Variants in CTNNA2 observed in about 807,000 individuals in gnomAD.
CTNNA2 encodes the protein catenin alpha 2.
A neutral mutation model predicts 101.0 loss-of-function variants in CTNNA2; 42 were observed. The ratio of observed to expected loss-of-function variants is 0.42; its 90% CI spans 0.32 to 0.54. The LOEUF (loss-of-function observed/expected upper bound fraction) is 0.54. Ranked by LOEUF, CTNNA2 falls within the 20% of genes least tolerant of loss-of-function variation. The probability of loss-of-function intolerance (pLI) is 0.14; values close to 1 mark genes in which losing one functional copy is unlikely to be tolerated. For missense variants in CTNNA2, 871 were observed against 1,223.1 expected, an observed-to-expected ratio of 0.71 and a Z score of 4.29; for synonymous variants, 450 against 456.4, an observed-to-expected ratio of 0.99 and a Z score of 0.18.
intron 3 of CTNNA2, among the ~76,000 whole-genome samples, chr2:79,763,760 T>TAAAGATGAG (rs1408924465): frequency 6.6e-6 from 1 of 152,182 alleles, no homozygotes; most frequent in East Asian, 1.9e-4. Context: ...GTGGATATTC[T>TAAAGATGAG]AAAGATGAGG....
At chr2:79,371,661 G>T (rs1056640457) in intron 3 of CTNNA2, among the ~76,000 whole-genome samples, 1 of 152,064 alleles carries the variant, frequency 6.6e-6, no homozygotes, top group East Asian at 1.9e-4. Context: ...AAAAATTCTA[G>T]GTCTTCCTAG....
intron 7 of CTNNA2, among the ~76,000 whole-genome samples, chr2:80,231,589 A>G (rs1298233387): frequency 6.6e-6 from 1 of 152,178 alleles, no homozygotes; most frequent in Non-Finnish European, 1.5e-5. Flanking sequence ...ATGTTTCATT[A>G]TACTTTCCTC....
chr2:80,266,308 C>G (rs1294159307), intron 7 of CTNNA2, among the ~76,000 whole-genome samples: 1 of 152,222 alleles, frequency 6.6e-6, no homozygotes, highest in Admixed American at 6.5e-5. Flanking sequence ...TGGGTGGGCA[C>G]ACAGAGAGAG....
intron 3 of CTNNA2, 64 bp from the exon 4 acceptor site, chr2:79,857,949 C>A: frequency 6.6e-7 from 1 of 1,517,074 alleles, no homozygotes; most frequent in Non-Finnish European, 9.1e-7. Context: ...ATTCACAGAT[C>A]TTTAGGATGG....
intron 7 of CTNNA2, among the ~76,000 whole-genome samples, chr2:79,944,188 G>T (rs140011840): frequency 6.6e-6 from 1 of 152,130 alleles, no homozygotes; most frequent in East Asian, 1.9e-4. Flanking sequence ...GGGGATGGGA[G>T]GGTGGGAACT....
chr2:80,107,076 G>A (rs950270918), intron 7 of CTNNA2, among the ~76,000 whole-genome samples: 1 of 152,120 alleles, frequency 6.6e-6, no homozygotes, highest in Non-Finnish European at 1.5e-5. Flanking sequence ...TGTTGATAGA[G>A]ACAGAAGGCA....
chr2:80,549,336 T>TA (rs201675419), intron 11 of CTNNA2, among the ~76,000 whole-genome samples: 4 of 152,118 alleles, frequency 2.6e-5, no homozygotes, highest in African/African-American at 7.2e-5. Flanking sequence ...TAACTTTTCC[T>TA]ATTTTTTTTT....
chr2:80,045,491 A>G (rs954691456), intron 7 of CTNNA2, among the ~76,000 whole-genome samples: 5 of 152,212 alleles, frequency 3.3e-5, no homozygotes, highest in African/African-American at 1.2e-4. Flanking sequence ...TCCACTACAT[A>G]TCACCAGGAT....
chr2:80,339,863 T>C (rs2149276392), intron 7 of CTNNA2, among the ~76,000 whole-genome samples: 1 of 152,312 alleles, frequency 6.6e-6, no homozygotes, highest in South Asian at 2.1e-4. Context: ...AGATATTTGA[T>C]CTTGATGTTT....
chr2:79,339,808 A>G (rs1428157733), intron 3 of CTNNA2: 2 of 152,264 alleles, frequency 1.3e-5, no homozygotes, highest in African/African-American at 4.8e-5. Flanking sequence ...AATGTCACTC[A>G]AGCTCTTATC....
At chr2:79,261,643 G>A (rs1368733540) in intron 2 of CTNNA2, among the ~76,000 whole-genome samples, 2 of 152,210 alleles carry the variant, frequency 1.3e-5, no homozygotes, top group Admixed American at 1.3e-4. Flanking sequence ...AGGGCAAGGA[G>A]CTCTGGTGTG....
intron 3 of CTNNA2, among the ~76,000 whole-genome samples, chr2:79,321,990 T>C (rs1192300594): frequency 2.0e-5 from 3 of 152,302 alleles, no homozygotes; most frequent in Admixed American, 6.5e-5. Flanking sequence ...GCATTTGAAG[T>C]CCATGCCTTT....
At chr2:79,981,955 A>G (rs1464854577) in intron 7 of CTNNA2, among the ~76,000 whole-genome samples, 1 of 151,896 alleles carries the variant, frequency 6.6e-6, no homozygotes, top group Non-Finnish European at 1.5e-5. Flanking sequence ...AAATAAAGAT[A>G]ATAGAATATG....
chr2:79,485,424 T>C (rs975327588), intron 4 of CTNNA2, among the ~76,000 whole-genome samples: 4 of 152,230 alleles, frequency 2.6e-5, no homozygotes, highest in African/African-American at 9.6e-5. Context: ...ATGTACAATG[T>C]GTATGCACAC....
At chr2:79,903,295 C>T (rs1685199200) in intron 6 of CTNNA2, among the ~76,000 whole-genome samples, 2 of 152,134 alleles carry the variant, frequency 1.3e-5, no homozygotes, top group South Asian at 4.2e-4. Context: ...TTTGTAGTTT[C>T]CTCACCTCTC....
chr2:79,477,609 G>GT (rs1376685866), intron 4 of CTNNA2, among the ~76,000 whole-genome samples: 2 of 152,216 alleles, frequency 1.3e-5, no homozygotes, highest in South Asian at 2.1e-4. Flanking sequence ...TTCCTAGGCA[G>GT]TTTTTTCTGT....
chr2:79,858,029 C>T lies in CTNNA2; in HGVS notation c.315C>T (p.Ile105=), dbSNP rs536540906. The change falls in exon 4 of 19, where the codon ATC becomes ATT. Residue 105 remains isoleucine (I), a synonymous_variant. Coordinates refer to ENST00000402739, the MANE Select transcript of CTNNA2 (RefSeq NM_001282597.3). ...GTCTTCCAGGTGAGACGATGCGGATCGCCTCCTCCGAGTTTGCAGATGACC... is the reference window on the plus strand; with the variant it reads ...GTCTTCCAGGTGAGACGATGCGGATTGCCTCCTCCGAGTTTGCAGATGACC... ...DVRKQGETMR[I]ASSEFADDPC... The T allele has an allele frequency of 3.2e-5, 51 of 1,613,150 alleles. No homozygotes were observed. The highest frequency in any genetic ancestry group is 4.0e-5 in the African/African-American group (3 of 75,040).
intron 2 of CTNNA2, among the ~76,000 whole-genome samples, chr2:79,740,080 G>A (rs1455820298): frequency 3.3e-5 from 5 of 152,116 alleles, no homozygotes; most frequent in Non-Finnish European, 5.9e-5. Context: ...CTTGCGTGAA[G>A]GGGGTTTGTG....
Position 79,212,750 on chromosome 2 carries a change from T to C in CTNNA2, c.-406+14674T>C, listed in dbSNP as rs548680867. ...GGCCTCTACCTATCCAGTGAAAGTG[T>C]CTACCTAGACTAAGAGGTATTTTAG... On this transcript the variant is annotated intron_variant, in intron 2 of 21. Transcript: ENST00000466387. Among the ~76,000 whole-genome samples the C allele has an allele frequency of 3.7e-4, 57 of 152,318 alleles. No individual in the cohort carries two copies. The East Asian group carries it at 9.8e-3, about 26-fold the overall frequency.
Sources: allele counts gnomAD v4.1 joint callset (sites outside exome capture counted in the v4.1 genomes callset), GRCh38; gene constraint gnomAD v4.1.1; transcripts MANE v1.5; gene names NCBI Gene and HGNC (gene_info 2026-07-23, HGNC 2026-07-21).